The following TMEM9 variants were observed in gnomAD, a reference collection of about 807,000 sequenced individuals.
The protein encoded by TMEM9 is proton-transporting V-type ATPase complex assembly regulator TMEM9.
In TMEM9, 13 loss-of-function variants were observed where a neutral mutation model predicts 22.8. The observed-to-expected ratio is 0.57, with a 90% CI of 0.37 to 0.91. The LOEUF is 0.91. Among genes scored for constraint, TMEM9 ranks in the 40% least tolerant of loss-of-function variants. The pLI is 0.01. For missense variants in TMEM9, 182 were observed against 238.1 expected (o/e 0.76, Z 1.55); for synonymous variants, 88 against 93.0 (o/e 0.95, Z 0.31).
upstream of TMEM9, among the ~76,000 whole-genome samples, chr1:201,156,434 C>G (rs1375334883): frequency 6.6e-6 from 1 of 152,160 alleles, no homozygotes; most frequent in Non-Finnish European, 1.5e-5. Flanking sequence ...TCCCTGGTAG[C>G]AAGCACCCTG....
chr1:201,136,650 C>T (rs146704223), intron 4 of TMEM9, among the ~76,000 whole-genome samples: 21 of 152,264 alleles, frequency 1.4e-4, no homozygotes, highest in Admixed American at 5.9e-4. Context: ...CTGTTGCTGC[C>T]GTCAAAAGCA....
At chr1:201,145,916 CG>C (rs1387312494) in intron 3 of TMEM9, among the ~76,000 whole-genome samples, 5 of 152,162 alleles carry the variant, frequency 3.3e-5, no homozygotes, top group Non-Finnish European at 7.4e-5. Context: ...GAGCTGTGAT[CG>C]TGCCACTGGA....
At chr1:201,156,211 G>C (rs1480481774), upstream of TMEM9, among the ~76,000 whole-genome samples, 2 of 152,104 alleles carry the variant, frequency 1.3e-5, no homozygotes, top group East Asian at 3.9e-4. Flanking sequence ...ATTTCTGCAG[G>C]TCCTAGATTG....
chr1:201,163,058 G>A (rs1295417859), intron 1 of TMEM9, among the ~76,000 whole-genome samples: 1 of 152,188 alleles, frequency 6.6e-6, no homozygotes, highest in Non-Finnish European at 1.5e-5. Context: ...GGCTGAGGCA[G>A]GCAGATTGCT....
chr1:201,169,222 G>T (rs1488849924), intron 1 of TMEM9, among the ~76,000 whole-genome samples: 1 of 152,116 alleles, frequency 6.6e-6, no homozygotes, highest in Admixed American at 6.6e-5. Context: ...TGAAATGAAG[G>T]CTGAATCTAA....
rs560006344 is a variant in TMEM9, at chr1:201,170,955, A to C, written c.-37+535T>G. ...GGAGGTGGCGTCCCGCAGAATGAGA[A>C]CATTTCTGTGCCGGGCCAGCAGGTG... On this transcript the variant is annotated intron_variant, in intron 1 of 5. Transcript: ENST00000367333. Among the ~76,000 whole-genome samples, 4 of 152,292 alleles carry C rather than the reference A, an allele frequency of 2.6e-5. No individual in the cohort carries two copies. The East Asian group carries it at 7.7e-4, about 29-fold the overall frequency.
chr1:201,148,884 T>A (rs1193058693), intron 2 of TMEM9, among the ~76,000 whole-genome samples: 2 of 152,224 alleles, frequency 1.3e-5, no homozygotes, highest in African/African-American at 2.4e-5. Context: ...TGCATGCTGC[T>A]TCCGCTGGGA....
chr1:201,138,992 T>C (rs1015200775), intron 4 of TMEM9, among the ~76,000 whole-genome samples: 1 of 152,096 alleles, frequency 6.6e-6, no homozygotes, highest in African/African-American at 2.4e-5. Flanking sequence ...GAACCAATGC[T>C]CAGGACATCA....
intron 1 of TMEM9, among the ~76,000 whole-genome samples, chr1:201,152,266 C>T (rs1409639722): frequency 1.3e-5 from 2 of 152,178 alleles, no homozygotes; most frequent in Non-Finnish European, 2.9e-5. Flanking sequence ...CACATTCCTT[C>T]TCCAACTTCT....
At chr1:201,159,529 C>T (rs2102291210) in intron 1 of TMEM9, among the ~76,000 whole-genome samples, 1 of 150,766 alleles carries the variant, frequency 6.6e-6, no homozygotes, top group East Asian at 1.9e-4. Flanking sequence ...ACAGCTCTCT[C>T]AACACCACTT....
chr1:201,145,154 T>C (rs952348371), intron 3 of TMEM9: 2 of 152,244 alleles, frequency 1.3e-5, no homozygotes, highest in Admixed American at 6.5e-5. Context: ...GGGTCTTCAA[T>C]AGGCTGAAGT....
intron 4 of TMEM9, among the ~76,000 whole-genome samples, chr1:201,141,101 C>G (rs964971902): frequency 2.0e-5 from 3 of 152,180 alleles, no homozygotes; most frequent in African/African-American, 7.2e-5. Flanking sequence ...TGCCAGGAAG[C>G]CTTCCTTCCC....
intron 2 of TMEM9, among the ~76,000 whole-genome samples, chr1:201,150,382 A>T (rs187826637): frequency 8.6e-4 from 131 of 152,358 alleles, no homozygotes; most frequent in African/African-American, 3.1e-3. Flanking sequence ...ATATCAGCTA[A>T]CATTTATATA....
intron 1 of TMEM9, 141 bp downstream of exon 1, chr1:201,153,717 G>A: frequency 1.9e-6 from 3 of 1,548,590 alleles, no homozygotes; most frequent in Non-Finnish European, 2.6e-6. Context: ...GAACCTGAAG[G>A]AAGACCACTA....
intron 2 of TMEM9, among the ~76,000 whole-genome samples, chr1:201,148,839 C>T (rs912798193): frequency 6.6e-6 from 1 of 152,248 alleles, no homozygotes; most frequent in Non-Finnish European, 1.5e-5. Flanking sequence ...GAGCAGGTCT[C>T]CCCTGTTGTA....
chr1:201,162,758 CT>C (rs1395236335), intron 1 of TMEM9, among the ~76,000 whole-genome samples: 1 of 152,076 alleles, frequency 6.6e-6, no homozygotes, highest in African/African-American at 2.4e-5. Context: ...AAATTAAAAA[CT>C]TTTGCTCTGT....
At chr1:201,170,338 A>G (rs1285224887) in intron 1 of TMEM9, among the ~76,000 whole-genome samples, 1 of 152,250 alleles carries the variant, frequency 6.6e-6, no homozygotes, top group Non-Finnish European at 1.5e-5. Context: ...CAAGAGCCAA[A>G]TAACATGTAC....
At chr1:201,135,936 G>T in intron 4 of TMEM9, 121 bp from the exon 5 acceptor site, 2 of 1,030,660 alleles carry the variant, frequency 1.9e-6, no homozygotes, top group Non-Finnish European at 2.7e-6. Flanking sequence ...CTGGGAGGCT[G>T]GGCCTCCCCA....
intron 1 of TMEM9, among the ~76,000 whole-genome samples, chr1:201,170,032 AAG>A (rs1311697581): frequency 6.6e-6 from 1 of 152,200 alleles, no homozygotes; most frequent in African/African-American, 2.4e-5. Context: ...AGGAAAAAAA[AAG>A]AGTTTGTTGG....
Sources: allele counts gnomAD v4.1 joint callset (sites outside exome capture counted in the v4.1 genomes callset), GRCh38; gene constraint gnomAD v4.1.1; transcripts MANE v1.5; gene names NCBI Gene and HGNC (gene_info 2026-07-23, HGNC 2026-07-21).